DPP10: variants seen among roughly 807,000 people sequenced by gnomAD.
DPP10 encodes inactive dipeptidyl peptidase 10.
A neutral mutation model predicts 120.9 loss-of-function variants in DPP10; 33 were observed. That is an observed-to-expected ratio of 0.27 (90% CI 0.21 to 0.37). The LOEUF is 0.37. DPP10 is among the 10% of genes least tolerant of loss of function. The pLI, the probability that DPP10 is intolerant of heterozygous loss-of-function variation, is 1.00. For synonymous variants in DPP10, 337 were observed against 326.1 expected (o/e 1.03, Z -0.36); for missense variants, 816 against 942.8 (o/e 0.87, Z 1.76).
chr2:115,562,866 A>G (rs2080773901), intron 5 of DPP10, among the ~76,000 whole-genome samples: 1 of 152,318 alleles, frequency 6.6e-6, no homozygotes, highest in South Asian at 2.1e-4. Flanking sequence ...TTCCATAGCT[A>G]TTGATTTCAA....
intron 1 of DPP10, among the ~76,000 whole-genome samples, chr2:114,896,275 T>G (rs1199501085): frequency 2.0e-5 from 3 of 152,186 alleles, no homozygotes; most frequent in East Asian, 3.9e-4. Flanking sequence ...GTGAAGAAAG[T>G]CATTGGTAGC....
chr2:114,446,484 T>A (rs952753062), intron 1 of DPP10, among the ~76,000 whole-genome samples: 1 of 152,190 alleles, frequency 6.6e-6, no homozygotes, highest in Non-Finnish European at 1.5e-5. Context: ...TACACAATAT[T>A]TCTTTACCCT....
Position 115,689,837 on chromosome 2 carries a change from A to C in DPP10, c.495-3A>C. 17 of 1,613,682 alleles carry C rather than the reference A, an allele frequency of 1.1e-5. No individual in the cohort carries two copies. Among genetic ancestry groups the C allele is most frequent in the Non-Finnish European group, 1.4e-5 (17 of 1,179,878 alleles). On this transcript the variant is annotated splice_polypyrimidine_tract_variant and splice_region_variant and intron_variant, in intron 6 of 25. Transcript: ENST00000410059. ...CATGTAAAAATATTCACATTTTTTC[A>C]AGGGAAGTTTGGGAGTTAAATCCTC...
intron 1 of DPP10, among the ~76,000 whole-genome samples, chr2:115,034,841 T>C (rs1704114160): frequency 6.6e-6 from 1 of 152,198 alleles, no homozygotes; most frequent in Non-Finnish European, 1.5e-5. Flanking sequence ...ACTGCTTTAG[T>C]TCTTTCAGGC....
chr2:114,924,729 G>A (rs975839298), intron 1 of DPP10, among the ~76,000 whole-genome samples: 1 of 152,010 alleles, frequency 6.6e-6, no homozygotes, highest in Non-Finnish European at 1.5e-5. Context: ...CCTTGGGATA[G>A]ATTTCCCAAA....
At chr2:114,464,626 G>C (rs112792065) in intron 1 of DPP10, among the ~76,000 whole-genome samples, 1 of 151,802 alleles carries the variant, frequency 6.6e-6, no homozygotes, top group African/African-American at 2.4e-5. Flanking sequence ...TCCTCTTTTT[G>C]TCCATGGTTA....
intron 1 of DPP10, among the ~76,000 whole-genome samples, chr2:114,978,458 G>T (rs1003130408): frequency 3.3e-5 from 5 of 152,102 alleles, no homozygotes; most frequent in African/African-American, 7.2e-5. Flanking sequence ...ATAAAATTGT[G>T]CAATCACAGG....
intron 5 of DPP10, among the ~76,000 whole-genome samples, chr2:115,603,064 A>G (rs1413492834): frequency 1.3e-5 from 2 of 151,996 alleles, no homozygotes; most frequent in Non-Finnish European, 2.9e-5. Flanking sequence ...TTTAAGGGTC[A>G]TAGTTCTCTT....
intron 3 of DPP10, among the ~76,000 whole-genome samples, chr2:115,367,696 AATT>A (rs1270467743): frequency 6.6e-6 from 1 of 152,072 alleles, no homozygotes; most frequent in Non-Finnish European, 1.5e-5. Flanking sequence ...AAATGATTAC[AATT>A]ATTAATGAAT....
At chr2:115,723,622 G>GTTTTTTTTTTT (rs11399436) in intron 7 of DPP10, among the ~76,000 whole-genome samples, 2 of 142,950 alleles carry the variant, frequency 1.4e-5, no homozygotes, top group African/African-American at 2.6e-5. Flanking sequence ...GTTGTTTTTT[G>GTTTTTTTTTTT]TTTTTTTTTT....
rs553445093 is a variant in DPP10, at chr2:115,612,578, T to C, written c.442-77109T>C. ...AAAAACCTCTAATATAGTGACGTGT[T>C]CTGCCAAAATGTAATAAATGAGAAA... On this transcript the variant is annotated intron_variant, in intron 5 of 25. Transcript: ENST00000410059. Among the ~76,000 whole-genome samples, 16 of 152,310 alleles carry C rather than the reference T, an allele frequency of 1.1e-4. No homozygotes were observed. The South Asian group carries it at 2.9e-3, about 28-fold the overall frequency.
At chr2:115,231,303 A>G (rs1222002695) in intron 1 of DPP10, among the ~76,000 whole-genome samples, 1 of 152,146 alleles carries the variant, frequency 6.6e-6, no homozygotes, top group Non-Finnish European at 1.5e-5. Context: ...TCCATGATAT[A>G]TGAAAGTATA....
intron 4 of DPP10, among the ~76,000 whole-genome samples, chr2:115,516,183 A>C (rs2077495395): frequency 2.0e-5 from 3 of 152,100 alleles, no homozygotes; most frequent in Admixed American, 2.0e-4. Flanking sequence ...TGTTCTTGGG[A>C]GACAGTAAAA....
intron 5 of DPP10, among the ~76,000 whole-genome samples, chr2:115,560,567 AC>A (rs1411508513): frequency 6.8e-6 from 1 of 146,516 alleles, no homozygotes; most frequent in African/African-American, 2.5e-5. Context: ...TATTCCCCCC[AC>A]CCCCGACCTC....
chr2:114,497,423 C>CTA (rs60179396), intron 1 of DPP10, among the ~76,000 whole-genome samples: 22 of 98,970 alleles, frequency 2.2e-4, no homozygotes, highest in Admixed American at 1.6e-3. Flanking sequence ...ACATATGCAT[C>CTA]TATATATATA....
chr2:115,534,497 A>AT, intron 5 of DPP10, among the ~76,000 whole-genome samples: 1 of 151,360 alleles, frequency 6.6e-6, no homozygotes, highest in East Asian at 1.9e-4. Context: ...CATTTTCTTA[A>AT]TCCAGTCTAT....
intron 13 of DPP10, among the ~76,000 whole-genome samples, 166 bp downstream of exon 13, chr2:115,768,570 A>T (rs1279012648): frequency 6.6e-6 from 1 of 152,150 alleles, no homozygotes; most frequent in Admixed American, 6.6e-5. Flanking sequence ...CATACATTCA[A>T]GCCTTACCTT....
intron 5 of DPP10, among the ~76,000 whole-genome samples, chr2:115,581,679 G>A (rs563439460): frequency 2.7e-4 from 41 of 152,160 alleles, no homozygotes; most frequent in African/African-American, 9.4e-4. Flanking sequence ...GTACCAAAGG[G>A]TTTTAGGAAG....
intron 1 of DPP10, among the ~76,000 whole-genome samples, chr2:114,883,353 G>C (rs1348517906): frequency 6.6e-6 from 1 of 152,180 alleles, no homozygotes; most frequent in East Asian, 1.9e-4. Context: ...AGTGTTTGTT[G>C]ATTAATTAAA....
Sources: gnomAD v4.1 joint callset for allele counts (sites outside exome capture counted in the v4.1 genomes callset) on GRCh38, gnomAD v4.1.1 for gene constraint, MANE v1.5 for transcripts, NCBI Gene and HGNC (gene_info 2026-07-23, HGNC 2026-07-21) for gene names.